AGBL4: variants seen among roughly 807,000 people sequenced by gnomAD.
The protein encoded by AGBL4 is cytosolic carboxypeptidase 6.
Under a neutral mutation model 66.4 loss-of-function variants are expected in AGBL4, and 58 were observed. That is an observed-to-expected ratio of 0.87 (90% CI 0.71 to 1.09). AGBL4 has a LOEUF of 1.09. AGBL4 is among the 50% of genes least tolerant of loss of function. The pLI, the probability that AGBL4 is intolerant of heterozygous loss-of-function variation, is 0.00. For missense variants in AGBL4, 579 were observed against 631.0 expected, an observed-to-expected ratio of 0.92 and a Z score of 0.88; for synonymous variants, 234 against 222.9, an observed-to-expected ratio of 1.05 and a Z score of -0.44.
chr1:49,427,191 T>C (rs976052374), intron 3 of AGBL4, among the ~76,000 whole-genome samples: 1 of 152,148 alleles, frequency 6.6e-6, no homozygotes, highest in South Asian at 2.1e-4. Flanking sequence ...TATATTGCTA[T>C]TGACAACCAC....
intron 9 of AGBL4, among the ~76,000 whole-genome samples, chr1:48,603,705 G>A (rs553967937): frequency 3.9e-5 from 6 of 152,182 alleles, no homozygotes; most frequent in Admixed American, 2.0e-4. Context: ...AGGCTGTGAC[G>A]AGAATTAGTG....
At chr1:49,688,995 T>A (rs946750130) in intron 3 of AGBL4, among the ~76,000 whole-genome samples, 1 of 152,188 alleles carries the variant, frequency 6.6e-6, no homozygotes, top group East Asian at 1.9e-4. Flanking sequence ...GGGTAGAGTT[T>A]GCAAATATTT....
intron 4 of AGBL4, among the ~76,000 whole-genome samples, chr1:49,119,634 C>T (rs981490055): frequency 2.0e-5 from 3 of 152,120 alleles, no homozygotes; most frequent in East Asian, 1.9e-4. Flanking sequence ...GGTCAATTTT[C>T]GAATAAGTGT....
chr1:48,646,552 T>TGTGTGTGC (rs1553200348), intron 8 of AGBL4, among the ~76,000 whole-genome samples: 4 of 151,304 alleles, frequency 2.6e-5, no homozygotes, highest in African/African-American at 9.8e-5. Flanking sequence ...TGTGTGTGTG[T>TGTGTGTGC]GTGCTGGTGC....
intron 7 of AGBL4, among the ~76,000 whole-genome samples, chr1:48,661,882 G>A (rs143145566): frequency 6.6e-6 from 1 of 152,280 alleles, no homozygotes; most frequent in East Asian, 1.9e-4. Flanking sequence ...TAAAGGGGTT[G>A]GTAAACCCAG....
chr1:49,948,574 T>TAGAGAG (rs1417717198), intron 1 of AGBL4, among the ~76,000 whole-genome samples: 1 of 121,636 alleles, frequency 8.2e-6, no homozygotes, highest in East Asian at 2.2e-4. Flanking sequence ...AATATATATA[T>TAGAGAG]ATATATATAG....
At chr1:49,899,499 CAA>C (rs781480960) in intron 1 of AGBL4, among the ~76,000 whole-genome samples, 7 of 138,996 alleles carry the variant, frequency 5.0e-5, no homozygotes, top group Admixed American at 7.2e-5. Context: ...TATATATCCA[CAA>C]AAAAAAAAAA....
intron 8 of AGBL4, among the ~76,000 whole-genome samples, chr1:48,649,246 G>T (rs1645887317): frequency 6.6e-6 from 1 of 152,242 alleles, no homozygotes; most frequent in South Asian, 2.1e-4. Flanking sequence ...TGCTATAAAA[G>T]AGTGTAATGG....
At chr1:48,537,580 T>A (rs781670317) in intron 12 of AGBL4, among the ~76,000 whole-genome samples, 3 of 152,164 alleles carry the variant, frequency 2.0e-5, no homozygotes, top group Non-Finnish European at 2.9e-5. Flanking sequence ...ACCAGCTCCT[T>A]CTGCTCCCTA....
chr1:49,826,257 G>A (rs562423077), intron 2 of AGBL4, among the ~76,000 whole-genome samples: 1 of 152,242 alleles, frequency 6.6e-6, no homozygotes, highest in East Asian at 1.9e-4. Context: ...ATATTGGGAA[G>A]GAATTAACTA....
chr1:49,678,631 G>A (rs1209277169), intron 3 of AGBL4, among the ~76,000 whole-genome samples: 4 of 151,882 alleles, frequency 2.6e-5, no homozygotes, highest in South Asian at 2.1e-4. Context: ...TTTAGCTACC[G>A]GCCACAAATT....
chr1:49,193,663 G>T (rs1647166441), intron 4 of AGBL4, among the ~76,000 whole-genome samples: 2 of 151,784 alleles, frequency 1.3e-5, no homozygotes, highest in Non-Finnish European at 2.9e-5. Flanking sequence ...GAGTAGCTGG[G>T]ACTACAGGTG....
At chr1:49,731,274 T>G (rs1316811732) in intron 2 of AGBL4, among the ~76,000 whole-genome samples, 5 of 152,184 alleles carry the variant, frequency 3.3e-5, no homozygotes, top group Non-Finnish European at 5.9e-5. Context: ...TTCTGTATTA[T>G]TAGCAGCCTA....
intron 3 of AGBL4, among the ~76,000 whole-genome samples, chr1:49,456,128 T>C (rs921852226): frequency 2.0e-5 from 3 of 151,740 alleles, no homozygotes; most frequent in Admixed American, 2.0e-4. Context: ...CTTCCCGCCC[T>C]TTCTGCTCAC....
chr1:49,232,050 AACCCC>A (rs928160260), intron 4 of AGBL4, among the ~76,000 whole-genome samples: 1 of 152,158 alleles, frequency 6.6e-6, no homozygotes, highest in African/African-American at 2.4e-5. Flanking sequence ...ATCAGATTGT[AACCCC>A]ATCATAAATT....
At chr1:49,468,318 CT>C (rs1258268927) in intron 3 of AGBL4, among the ~76,000 whole-genome samples, 2 of 151,808 alleles carry the variant, frequency 1.3e-5, no homozygotes, top group African/African-American at 4.8e-5. Context: ...CCTGGATTAA[CT>C]GCTAGTCACT....
At position 48,663,386 on chromosome 1, in the gene AGBL4, C is replaced by T. The variant is rs377702331; in HGVS notation, c.635-145G>A. 2,401 of 696,976 alleles carry T rather than the reference C, an allele frequency of 3.4e-3. 79 individuals are homozygous for T. In the South Asian group the frequency reaches 0.039, roughly 11 times the overall value. 43.2% of individuals were successfully genotyped at this position (696,976 alleles called of 1,614,324 possible). A position where few individuals can be genotyped will look rare whatever the true frequency, so the allele number is the denominator to read the frequency against. On this transcript the variant is annotated intron_variant, in intron 6 of 13. Coordinates refer to ENST00000371839, the MANE Select transcript of AGBL4 (RefSeq NM_032785.4). ...CCACTGGGTTAGAATCATTAAGGTCCAGCCATTGCTGACTAATTTAATTAT... is the reference window on the plus strand; with the variant it reads ...CCACTGGGTTAGAATCATTAAGGTCTAGCCATTGCTGACTAATTTAATTAT...
intron 4 of AGBL4, among the ~76,000 whole-genome samples, chr1:49,220,668 AC>A (rs764418695): frequency 7.9e-5 from 12 of 152,114 alleles, no homozygotes; most frequent in Admixed American, 2.0e-4. Flanking sequence ...GTGCCTTAGG[AC>A]CCAAAGAATC....
intron 3 of AGBL4, among the ~76,000 whole-genome samples, chr1:49,658,101 C>G (rs558687871): frequency 6.6e-6 from 1 of 152,248 alleles, no homozygotes; most frequent in Admixed American, 6.5e-5. Flanking sequence ...TTTTTGCAAT[C>G]TACTCATCTG....
Sources: gnomAD v4.1 joint callset for allele counts (sites outside exome capture counted in the v4.1 genomes callset) on GRCh38, gnomAD v4.1.1 for gene constraint, MANE v1.5 for transcripts, NCBI Gene and HGNC (gene_info 2026-07-23, HGNC 2026-07-21) for gene names.